Variants in TAFA2 observed in about 807,000 individuals in gnomAD.
TAFA2 encodes the protein TAFA chemokine like family member 2, also known as chemokine-like protein TAFA-2.
Under a neutral mutation model 18.8 loss-of-function variants are expected in TAFA2, and 7 were observed. The observed-to-expected ratio is 0.37, with a 90% CI of 0.21 to 0.70. The LOEUF (loss-of-function observed/expected upper bound fraction) is 0.70. TAFA2 is among the 30% of genes least tolerant of loss of function. The pLI is 0.53. For synonymous variants in TAFA2, 60 were observed against 54.2 expected, an observed-to-expected ratio of 1.11 and a Z score of -0.47; for missense variants, 122 against 158.1, an observed-to-expected ratio of 0.77 and a Z score of 1.23.
chr12:61,824,383 G>A (rs1872453050), intron 2 of TAFA2, among the ~76,000 whole-genome samples: 1 of 152,066 alleles, frequency 6.6e-6, no homozygotes, highest in Non-Finnish European at 1.5e-5. Flanking sequence ...CTAAAATTAT[G>A]GTAAGTTGCT....
At chr12:62,080,829 A>C (rs1868306435) in intron 1 of TAFA2, among the ~76,000 whole-genome samples, 1 of 152,154 alleles carries the variant, frequency 6.6e-6, no homozygotes, top group Admixed American at 6.5e-5. Context: ...CATGAAAAGT[A>C]ATCTCTACAA....
At chr12:62,090,850 C>A (rs1411586573) in intron 1 of TAFA2, among the ~76,000 whole-genome samples, 4 of 151,946 alleles carry the variant, frequency 2.6e-5, no homozygotes, top group African/African-American at 9.7e-5. Flanking sequence ...TCTGCCAACA[C>A]ATTTCATAAA....
chr12:61,922,391 C>A (rs1877091291), intron 1 of TAFA2, among the ~76,000 whole-genome samples: 1 of 152,046 alleles, frequency 6.6e-6, no homozygotes, highest in Non-Finnish European at 1.5e-5. Flanking sequence ...GCATTTCCAA[C>A]TGAGGTACCC....
intron 4 of TAFA2, among the ~76,000 whole-genome samples, chr12:61,734,193 TAG>T (rs886391376): frequency 6.6e-6 from 1 of 151,892 alleles, no homozygotes; most frequent in African/African-American, 2.4e-5. Context: ...TGGGGTTTTC[TAG>T]ATACACAATC....
At chr12:61,972,004 C>A (rs1347983169) in intron 1 of TAFA2, among the ~76,000 whole-genome samples, 1 of 151,694 alleles carries the variant, frequency 6.6e-6, no homozygotes, top group Non-Finnish European at 1.5e-5. Flanking sequence ...GATGCCACGA[C>A]CATTCAATGT....
At chr12:61,967,608 A>G (rs898558373) in intron 1 of TAFA2, among the ~76,000 whole-genome samples, 1 of 151,946 alleles carries the variant, frequency 6.6e-6, no homozygotes, top group African/African-American at 2.4e-5. Flanking sequence ...AGGTGCTGGA[A>G]ATTGAAGTGA....
chr12:61,761,225 C>T (rs1156543891), intron 2 of TAFA2, among the ~76,000 whole-genome samples: 1 of 152,040 alleles, frequency 6.6e-6, no homozygotes. Flanking sequence ...CTGCTTCAAG[C>T]TGCTTTTTTG....
intron 1 of TAFA2, among the ~76,000 whole-genome samples, chr12:62,088,004 C>T (rs1157447016): frequency 1.3e-5 from 2 of 152,014 alleles, no homozygotes; most frequent in East Asian, 3.9e-4. Context: ...TGTCCCAGTG[C>T]CCTGTATGGT....
chr12:61,977,594 C>A (rs1879483176), intron 1 of TAFA2, among the ~76,000 whole-genome samples: 1 of 152,038 alleles, frequency 6.6e-6, no homozygotes, highest in Non-Finnish European at 1.5e-5. Flanking sequence ...TATACCTGGC[C>A]TCTATAAAGA....
At chr12:61,723,396 C>G (rs145434689) in intron 4 of TAFA2, among the ~76,000 whole-genome samples, 2 of 151,794 alleles carry the variant, frequency 1.3e-5, no homozygotes, top group Non-Finnish European at 2.9e-5. Context: ...TAAATGAACA[C>G]GTGAATGAAT....
At chr12:62,093,619 C>T (rs1035060354) in intron 1 of TAFA2, among the ~76,000 whole-genome samples, 1 of 152,032 alleles carries the variant, frequency 6.6e-6, no homozygotes, top group Non-Finnish European at 1.5e-5. Flanking sequence ...TTGTTCCCCT[C>T]ACAGTGATAA....
chr12:62,255,844 G>A (rs1445925604), intron 1 of TAFA2, among the ~76,000 whole-genome samples: 1 of 151,928 alleles, frequency 6.6e-6, no homozygotes, highest in African/African-American at 2.4e-5. Context: ...ACTGGAGAGT[G>A]AGACTCTGTC....
intron 1 of TAFA2, among the ~76,000 whole-genome samples, chr12:61,894,072 G>T (rs1045147427): frequency 6.6e-6 from 1 of 151,790 alleles, no homozygotes; most frequent in Non-Finnish European, 1.5e-5. Context: ...GGCTAAACAG[G>T]CCTCTTTCTC....
chr12:62,084,059 T>C (rs1223163708), intron 1 of TAFA2, among the ~76,000 whole-genome samples: 1 of 152,160 alleles, frequency 6.6e-6, no homozygotes, highest in Non-Finnish European at 1.5e-5. Flanking sequence ...TAAGTATGAG[T>C]ACACAGTACA....
rs933139631 is a variant in TAFA2, at chr12:61,709,993, T to C, written c.*413A>G. The C allele has an allele frequency of 5.8e-6, 1 of 172,098 alleles. No individual in the cohort carries two copies. Among genetic ancestry groups the C allele is most frequent in the Non-Finnish European group, 1.2e-5 (1 of 81,260 alleles). 10.7% of individuals were successfully genotyped at this position (172,098 alleles called of 1,614,324 possible). On this transcript the variant is annotated 3_prime_UTR_variant, in exon 5 of 5. Transcript: ENST00000416284. ...GTGTAGTCCCACTAGCAAATGAACATAGGACCCAGGAACACATCCAGGACA... is the reference window on the plus strand; with the variant it reads ...GTGTAGTCCCACTAGCAAATGAACACAGGACCCAGGAACACATCCAGGACA...
intron 1 of TAFA2, among the ~76,000 whole-genome samples, chr12:62,182,266 T>C (rs1156532237): frequency 6.6e-6 from 1 of 152,192 alleles, no homozygotes; most frequent in African/African-American, 2.4e-5. Context: ...AGGAAAAATA[T>C]GTTCTCTAAA....
intron 2 of TAFA2, among the ~76,000 whole-genome samples, chr12:61,836,003 A>G (rs187746355): frequency 6.6e-6 from 1 of 151,960 alleles, no homozygotes; most frequent in African/African-American, 2.4e-5. Context: ...CCCTTAATCA[A>G]CTTACAATTA....
intron 2 of TAFA2, among the ~76,000 whole-genome samples, chr12:61,845,460 G>A (rs1021484503): frequency 6.6e-6 from 1 of 152,108 alleles, no homozygotes; most frequent in Admixed American, 6.5e-5. Context: ...ATTGCCTTGT[G>A]GCACCAGGAC....
rs969558465 is a variant in TAFA2, at chr12:62,191,241, G to A, written c.-2+18C>T. ...TCCCCAGCGCTGGCCGGCGACCCGA[G>A]GCGCGGCTCGCACCTACCTGCAGCC... On this transcript the variant is annotated intron_variant, in intron 1 of 4. Transcript: ENST00000416284. 6.6e-6 allele frequency: 1 copy of A among 152,308 alleles called. No homozygotes were observed. The highest frequency in any genetic ancestry group is 2.1e-4 in the South Asian group (1 of 4,822). 9.4% of individuals were successfully genotyped at this position (152,308 alleles called of 1,614,324 possible).
Sources: gnomAD v4.1 joint callset for allele counts (sites outside exome capture counted in the v4.1 genomes callset) on GRCh38, gnomAD v4.1.1 for gene constraint, MANE v1.5 for transcripts, NCBI Gene and HGNC (gene_info 2026-07-23, HGNC 2026-07-21) for gene names.